Variants in BICC1 observed in about 807,000 individuals in gnomAD.
BICC1 encodes protein bicaudal C homolog 1.
Under a neutral mutation model 111.0 loss-of-function variants are expected in BICC1, and 43 were observed. The ratio of observed to expected loss-of-function variants is 0.39; its 90% confidence interval spans 0.30 to 0.50. The LOEUF is 0.50. Among genes scored for constraint, BICC1 ranks in the 20% least tolerant of loss-of-function variants. The probability of loss-of-function intolerance (pLI) is 0.88; values close to 1 mark genes in which losing one functional copy is unlikely to be tolerated. For missense variants in BICC1, 1,091 were observed against 1,203.2 expected (o/e 0.91, Z 1.38); for synonymous variants, 467 against 434.4 (o/e 1.07, Z -0.93).
intron 2 of BICC1, among the ~76,000 whole-genome samples, chr10:58,644,182 A>G (rs1564528134): frequency 6.6e-6 from 1 of 152,140 alleles, no homozygotes; most frequent in Non-Finnish European, 1.5e-5. Context: ...ACACATAGCT[A>G]CTCTTTCCCA....
chr10:58,521,433 A>G (rs975817593), intron 1 of BICC1, among the ~76,000 whole-genome samples: 1 of 152,052 alleles, frequency 6.6e-6, no homozygotes, highest in Non-Finnish European at 1.5e-5. Flanking sequence ...TGCATTTTTT[A>G]TTATTCTCAT....
intron 20 of BICC1, chr10:58,823,995 G>A (rs1844325117): frequency 1.0e-6 from 1 of 985,272 alleles, no homozygotes. Context: ...TCTTTTGCTT[G>A]TAAAGATACC....
chr10:58,679,600 C>A (rs1307895526), intron 2 of BICC1, among the ~76,000 whole-genome samples: 1 of 152,138 alleles, frequency 6.6e-6, no homozygotes, highest in Admixed American at 6.5e-5. Context: ...CGAATTGTAC[C>A]AGAGGTACAA....
At chr10:58,603,601 C>G (rs1845113377) in intron 1 of BICC1, among the ~76,000 whole-genome samples, 1 of 152,128 alleles carries the variant, frequency 6.6e-6, no homozygotes, top group Non-Finnish European at 1.5e-5. Context: ...AAAAAATATA[C>G]ATTTTGTGGT....
chr10:58,714,483 A>C (rs1346304328), intron 3 of BICC1, among the ~76,000 whole-genome samples: 1 of 152,118 alleles, frequency 6.6e-6, no homozygotes, highest in Non-Finnish European at 1.5e-5. Flanking sequence ...ATTCTCCATG[A>C]GTGTTTCACG....
intron 2 of BICC1, among the ~76,000 whole-genome samples, chr10:58,637,700 T>C (rs1167976115): frequency 6.6e-6 from 1 of 152,262 alleles, no homozygotes; most frequent in African/African-American, 2.4e-5. Flanking sequence ...AAAGCTTTTA[T>C]AGAATATTGA....
chr10:58,794,427 T>C (rs906017707), intron 9 of BICC1, among the ~76,000 whole-genome samples: 1 of 151,890 alleles, frequency 6.6e-6, no homozygotes, highest in African/African-American at 2.4e-5. Context: ...AATGTTTTTT[T>C]TTTTTTTCTG....
At position 58,798,561 on chromosome 10, in the gene BICC1, G is replaced by A; in HGVS notation, c.1528+1G>A. The A allele has an allele frequency of 6.3e-7, 1 of 1,595,042 alleles. No individual in the cohort carries two copies. The highest frequency in any genetic ancestry group is 8.5e-7 in the Non-Finnish European group (1 of 1,173,584). On this transcript the variant is annotated splice_donor_variant, in intron 11 of 20. Transcript: ENST00000373886. LOFTEE classifies it high-confidence loss of function. ...CTTGCTAATACTTCAAGTGCCACAG[G>A]TCAGTATCATTTAAGTATATTCCAA... is the stretch of plus-strand genomic sequence containing the variant.
intron 1 of BICC1, among the ~76,000 whole-genome samples, chr10:58,605,938 T>G (rs527710807): frequency 6.6e-6 from 1 of 152,220 alleles, no homozygotes; most frequent in Non-Finnish European, 1.5e-5. Context: ...AATTGCCTTG[T>G]TCTTTTCTTC....
intron 2 of BICC1, chr10:58,650,231 A>T (rs1297043304): frequency 3.9e-5 from 6 of 151,998 alleles, no homozygotes; most frequent in Non-Finnish European, 8.8e-5. Flanking sequence ...CCTTTACTCC[A>T]CTGCCTCCCT....
intron 3 of BICC1, among the ~76,000 whole-genome samples, chr10:58,721,010 C>A (rs548669648): frequency 1.3e-5 from 2 of 152,204 alleles, no homozygotes; most frequent in African/African-American, 4.8e-5. Context: ...AGGGCCTGAT[C>A]TGTGCTTCTC....
intron 3 of BICC1, among the ~76,000 whole-genome samples, chr10:58,780,845 T>A (rs1842864315): frequency 6.6e-6 from 1 of 152,212 alleles, no homozygotes; most frequent in Non-Finnish European, 1.5e-5. Flanking sequence ...TTTTAAATAT[T>A]GAAATACTTT....
chr10:58,628,826 G>T (rs537051236), intron 2 of BICC1, among the ~76,000 whole-genome samples: 1 of 152,182 alleles, frequency 6.6e-6, no homozygotes, highest in East Asian at 1.9e-4. Context: ...AAGAGAAAAG[G>T]TTGGCTCCAA....
At chr10:58,756,332 A>G (rs1842143598) in intron 3 of BICC1, among the ~76,000 whole-genome samples, 5 of 152,176 alleles carry the variant, frequency 3.3e-5, no homozygotes, top group Admixed American at 2.6e-4. Flanking sequence ...CCTGTGTGAA[A>G]TGAAACTCGC....
chr10:58,778,338 A>G (rs1181751638), intron 3 of BICC1, among the ~76,000 whole-genome samples: 1 of 152,200 alleles, frequency 6.6e-6, no homozygotes, highest in African/African-American at 2.4e-5. Context: ...CCACCACACA[A>G]AAATACACGC....
chr10:58,614,931 T>A (rs1482162198), intron 1 of BICC1, among the ~76,000 whole-genome samples: 1 of 152,152 alleles, frequency 6.6e-6, no homozygotes, highest in Non-Finnish European at 1.5e-5. Context: ...CACAGAAGAG[T>A]TTCCTCAATG....
intron 2 of BICC1, among the ~76,000 whole-genome samples, chr10:58,633,416 A>G (rs1303081956): frequency 6.6e-6 from 1 of 152,262 alleles, no homozygotes; most frequent in East Asian, 1.9e-4. Flanking sequence ...GCTTTGCAGC[A>G]TCTGACTTCA....
At chr10:58,597,239 T>G (rs1374635719) in intron 1 of BICC1, among the ~76,000 whole-genome samples, 1 of 152,108 alleles carries the variant, frequency 6.6e-6, no homozygotes, top group Non-Finnish European at 1.5e-5. Context: ...GATTCCTGCC[T>G]GAGTCTCAGA....
chr10:58,560,495 T>C (rs899106577), intron 1 of BICC1, among the ~76,000 whole-genome samples: 3 of 152,108 alleles, frequency 2.0e-5, no homozygotes, highest in African/African-American at 7.2e-5. Context: ...TCTGTTTATC[T>C]CTTCAAACAA....
Sources: allele counts gnomAD v4.1 joint callset (sites outside exome capture counted in the v4.1 genomes callset), GRCh38; gene constraint gnomAD v4.1.1; transcripts MANE v1.5; gene names NCBI Gene and HGNC (gene_info 2026-07-23, HGNC 2026-07-21).